FLT4: variants seen among roughly 807,000 people sequenced by gnomAD.
The protein encoded by FLT4 is vascular endothelial growth factor receptor 3.
In FLT4, 30 loss-of-function variants were observed where a neutral mutation model predicts 163.2. That is an observed-to-expected ratio of 0.18 (90% CI 0.14 to 0.25). The LOEUF (loss-of-function observed/expected upper bound fraction) is 0.25, where lower values mean the gene tolerates loss of function less well. Among genes scored for constraint, FLT4 ranks in the 10% least tolerant of loss-of-function variants. The pLI is 1.00. For synonymous variants in FLT4, 884 were observed against 789.5 expected (o/e 1.12, Z -2.01); for missense variants, 1,510 against 1,863.8 (o/e 0.81, Z 3.50).
At chr5:180,639,941 C>T (rs1219211327) in intron 1 of FLT4, among the ~76,000 whole-genome samples, 1 of 152,228 alleles carries the variant, frequency 6.6e-6, no homozygotes, top group African/African-American at 2.4e-5. Context: ...CCCTGGCTCC[C>T]AAGCCTGCAG....
chr5:180,639,336 C>T (rs1271788040), intron 1 of FLT4, among the ~76,000 whole-genome samples: 2 of 92,130 alleles, frequency 2.2e-5, no homozygotes, highest in South Asian at 1.2e-3. Flanking sequence ...GATGGATGGA[C>T]AGACAGATGA....
chr5:180,649,484 T>C lies in FLT4; in HGVS notation c.58+4A>G. 6.9e-7 allele frequency: 1 copy of C among 1,457,946 alleles called. No individual in the cohort carries two copies. 90.3% of individuals were successfully genotyped at this position (1,457,946 alleles called of 1,614,324 possible). ...CGGGCGGGTGGCCCGTTCGCCGCGC[T>C]CACCGTCCAGGAGTCCCAGGCAGAG... On this transcript the variant is annotated splice_donor_region_variant and intron_variant, in intron 1 of 29. Coordinates refer to ENST00000261937, the MANE Select transcript of FLT4 (RefSeq NM_182925.5).
rs77376470 is a variant in FLT4 at position 180,602,319 on chromosome 5, C to A, written c.*873G>T. 0.043 allele frequency: 12,326 copies of A among 283,414 alleles called. 343 individuals are homozygous for A. The highest frequency in any genetic ancestry group is 0.058 in the Middle Eastern group (59 of 1,024). The allele number at this position is 283,414 out of a possible 1,614,324, so 17.6% of individuals were successfully genotyped here. On this transcript the variant is annotated 3_prime_UTR_variant, in exon 30 of 30. Coordinates refer to ENST00000261937, the MANE Select transcript of FLT4 (RefSeq NM_182925.5). ...CCAGACCGGCAGCTCCAGACCCAGG[C>A]TCCTCGGAGTCTGGGCCAGGTGGGA...
rs1277998011 is a variant in FLT4, at chr5:180,606,819, G to T, written c.3893+2149C>A. 3.9e-5 allele frequency among the ~76,000 whole-genome samples: 6 copies of T among 152,086 alleles called. No homozygotes were observed. The East Asian group carries it at 9.7e-4, about 25-fold the overall frequency. Reference sequence around the variant, plus strand: ...CATACCTGTAATCCCAGCACCCTGGGAGGCTGAGGGCAGATCACTTGAGGC... The same window carrying T: ...CATACCTGTAATCCCAGCACCCTGGTAGGCTGAGGGCAGATCACTTGAGGC... On this transcript the variant is annotated intron_variant, in intron 29 of 29. Coordinates refer to ENST00000261937, the MANE Select transcript of FLT4 (RefSeq NM_182925.5).
intron 1 of FLT4, among the ~76,000 whole-genome samples, chr5:180,649,242 C>G (rs961771278): frequency 1.3e-5 from 2 of 151,798 alleles, no homozygotes; most frequent in African/African-American, 4.8e-5. Flanking sequence ...GCCGGGAGAG[C>G]TACCCCTGCG....
chr5:180,649,447 C>G, intron 1 of FLT4, 41 bp downstream of exon 1: 1 of 1,420,366 alleles, frequency 7.0e-7, no homozygotes, highest in Non-Finnish European at 9.3e-7. Context: ...CCTCCCCGGC[C>G]AGCCCCACGC....
intron 8 of FLT4, among the ~76,000 whole-genome samples, chr5:180,627,040 A>T (rs2127829745): frequency 6.6e-6 from 1 of 152,272 alleles, no homozygotes; most frequent in East Asian, 1.9e-4. Flanking sequence ...AGTTGCGCCC[A>T]GATGCCTACA....
At position 180,638,955 on chromosome 5, in the gene FLT4, G is replaced by A. The variant is rs562964673; in HGVS notation, c.59-7177C>T. On this transcript the variant is annotated intron_variant, in intron 1 of 29. Coordinates refer to ENST00000261937, the MANE Select transcript of FLT4 (RefSeq NM_182925.5). ...CATGCTTCCCACAGCACCTGGCACA[G>A]AGTAAAGTCTCAGTGAACACTCGTT... Among the ~76,000 whole-genome samples, 4 of 138,222 alleles carry A rather than the reference G, an allele frequency of 2.9e-5. No homozygotes were observed. In the East Asian group the frequency reaches 8.9e-4, roughly 31 times the overall value. 90.7% of individuals were successfully genotyped at this position (138,222 alleles called of 152,430 possible).
At chr5:180,616,674 G>A (rs895456447) in intron 22 of FLT4, among the ~76,000 whole-genome samples, 185 bp from the exon 23 acceptor site, 4 of 152,160 alleles carry the variant, frequency 2.6e-5, no homozygotes, top group Non-Finnish European at 1.5e-5. Context: ...TGGAATTGTG[G>A]GGACAGCAGA....
chr5:180,620,723 G>A lies in FLT4; in HGVS notation c.2300-8C>T, dbSNP rs1395734663. 6.2e-7 allele frequency: 1 copy of A among 1,610,202 alleles called. No individual in the cohort carries two copies. The highest frequency in any genetic ancestry group is 1.1e-5 in the South Asian group (1 of 90,926). On this transcript the variant is annotated splice_region_variant and splice_polypyrimidine_tract_variant and intron_variant, in intron 15 of 29. Transcript: ENST00000261937. The surrounding 1 kb of genome is among the most constrained non-coding windows in gnomAD (Gnocchi z 4.4). ...TGCCCTTATCCTCGGAGCCTGCGTG[G>A]GCAGAAAGGGGCCGGCGTGTGTGTG... is the stretch of plus-strand genomic sequence containing the variant.
chr5:180,637,902 C>A (rs1391222575), intron 1 of FLT4, among the ~76,000 whole-genome samples: 6 of 152,154 alleles, frequency 3.9e-5, no homozygotes, highest in Non-Finnish European at 7.3e-5. Flanking sequence ...GCCCCTTTTC[C>A]TATCCCCCTT....
chr5:180,631,448 G>C (rs1244012657), intron 2 of FLT4, among the ~76,000 whole-genome samples: 1 of 151,994 alleles, frequency 6.6e-6, no homozygotes, highest in South Asian at 2.1e-4. Flanking sequence ...ACTCCAGCCT[G>C]GGTGACAGAG....
intron 8 of FLT4, among the ~76,000 whole-genome samples, chr5:180,627,269 G>A (rs994868504): frequency 2.0e-5 from 3 of 152,284 alleles, no homozygotes; most frequent in East Asian, 1.9e-4. Context: ...GGGGAGGCAG[G>A]GGCCCATTCT....
At chr5:180,610,981 T>C (rs557551557) in intron 27 of FLT4, among the ~76,000 whole-genome samples, 191 of 152,130 alleles carry the variant, frequency 1.3e-3, no homozygotes, top group Middle Eastern at 6.8e-3. Flanking sequence ...GGCGTGAACC[T>C]GGGAGGCGGA....
chr5:180,632,139 CT>C (rs2127842729), intron 1 of FLT4, among the ~76,000 whole-genome samples: 1 of 152,256 alleles, frequency 6.6e-6, no homozygotes, highest in African/African-American at 2.4e-5. Flanking sequence ...ATCACGGCCC[CT>C]GCAGTGCTGC....
intron 12 of FLT4, among the ~76,000 whole-genome samples, 167 bp from the exon 13 acceptor site, chr5:180,622,071 C>G (rs987671083): frequency 1.3e-5 from 2 of 150,188 alleles, no homozygotes; most frequent in African/African-American, 4.9e-5. Flanking sequence ...ATCAGGAGTT[C>G]CTTGTCACCC....
chr5:180,604,801 A>G (rs1439013157), intron 29 of FLT4, among the ~76,000 whole-genome samples: 2 of 152,158 alleles, frequency 1.3e-5, no homozygotes, highest in African/African-American at 4.8e-5. Flanking sequence ...TGGGACTCCC[A>G]ATTTTATATA....
rs758603930 is a variant in FLT4 at position 180,626,140 on chromosome 5, C to T, written c.1229G>A (p.Arg410His). The T allele has an allele frequency of 2.5e-5, 40 of 1,612,720 alleles. No individual in the cohort carries two copies. Among genetic ancestry groups the T allele is most frequent in the African/African-American group, 2.1e-4 (16 of 74,924 alleles). Residue 410 changes from arginine to histidine, a missense_variant, in exon 9 of 30, where the codon CGC becomes CAC. By Grantham distance (29) the Arg-to-His change is conservative (BLOSUM62 0). Transcript: ENST00000261937. ...CACCACCAGCTCCAGGCTGATGTTG[C>T]GCCTCAGGCCAGCAGCGGAGTTCCA... ...ALWNSAAGLR[R>H]NISLELVVNV...
chr5:180,619,571 T>C (rs748629278), intron 18 of FLT4, 94 bp downstream of exon 18: 2 of 1,099,084 alleles, frequency 1.8e-6, no homozygotes, highest in Non-Finnish European at 2.8e-6. Flanking sequence ...GCTTCCAGCC[T>C]CAGTCTCCCT....
Sources: gnomAD v4.1 joint callset for allele counts (sites outside exome capture counted in the v4.1 genomes callset) on GRCh38, gnomAD v4.1.1 for gene constraint, Gnocchi (gnomAD v3.1) non-coding constraint, MANE v1.5 for transcripts, NCBI Gene and HGNC (gene_info 2026-07-23, HGNC 2026-07-21) for gene names.